Variants in MACROD1 observed in about 807,000 individuals in gnomAD.
MACROD1 encodes the protein mono-ADP ribosylhydrolase 1, also known as ADP-ribose glycohydrolase MACROD1.
A neutral mutation model predicts 41.4 loss-of-function variants in MACROD1; 31 were observed. That is an observed-to-expected ratio of 0.75 (90% CI 0.56 to 1.01). The LOEUF (loss-of-function observed/expected upper bound fraction) is 1.01, where lower values mean the gene tolerates loss of function less well. Among genes scored for constraint, MACROD1 ranks in the 50% least tolerant of loss-of-function variants. MACROD1 has a pLI of 0.00. For synonymous variants in MACROD1, 252 were observed against 203.4 expected (o/e 1.24, Z -2.03); for missense variants, 473 against 460.0 (o/e 1.03, Z -0.26).
intron 3 of MACROD1, among the ~76,000 whole-genome samples, chr11:64,040,615 AGACAG>A (rs1943467003): frequency 6.6e-6 from 1 of 152,184 alleles, no homozygotes; most frequent in Non-Finnish European, 1.5e-5. Context: ...TCACCTGCGT[AGACAG>A]GTTGCCCCAG....
chr11:64,028,690 T>C (rs1273859416), intron 3 of MACROD1, among the ~76,000 whole-genome samples: 11 of 88,590 alleles, frequency 1.2e-4, no homozygotes, highest in Middle Eastern at 4.4e-3. Flanking sequence ...CCCCTCCCCC[T>C]CCTCCCGCAG....
At chr11:64,148,944 C>T (rs930271454) in intron 3 of MACROD1, 2 of 985,242 alleles carry the variant, frequency 2.0e-6, no homozygotes, top group South Asian at 4.7e-5. Context: ...AAAGGAGACT[C>T]GGGCTCTGTG....
At chr11:64,075,616 A>G (rs1944185927) in intron 3 of MACROD1, among the ~76,000 whole-genome samples, 1 of 152,222 alleles carries the variant, frequency 6.6e-6, no homozygotes, top group Non-Finnish European at 1.5e-5. Context: ...ATATGGAGTG[A>G]CAACCTACAC....
At chr11:64,027,750 G>T (rs12420724) in intron 3 of MACROD1, among the ~76,000 whole-genome samples, 2 of 152,054 alleles carry the variant, frequency 1.3e-5, no homozygotes, top group Admixed American at 6.5e-5. Context: ...CACTACACTC[G>T]GCCTACAATT....
intron 3 of MACROD1, among the ~76,000 whole-genome samples, chr11:64,110,113 G>A (rs999376830): frequency 4.6e-5 from 7 of 152,112 alleles, no homozygotes; most frequent in Non-Finnish European, 7.4e-5. Flanking sequence ...ATTTATAGAT[G>A]AGGAAATCAA....
intron 4 of MACROD1, among the ~76,000 whole-genome samples, chr11:64,013,155 CAGATACAG>C (rs1364008342): frequency 6.6e-6 from 1 of 152,078 alleles, no homozygotes; most frequent in Non-Finnish European, 1.5e-5. Context: ...GTGCCAGCCC[CAGATACAG>C]TCTTTCATTT....
Position 64,164,207 on chromosome 11 carries a change from G to A in MACROD1, c.298+1490C>T, listed in dbSNP as rs145765530. 5.8e-3 allele frequency among the ~76,000 whole-genome samples: 883 copies of A among 152,324 alleles called. 14 individuals carry two copies. The highest frequency in any genetic ancestry group is 0.019 in the African/African-American group (779 of 41,564). On this transcript the variant is annotated intron_variant, in intron 1 of 10. Coordinates refer to ENST00000255681, the MANE Select transcript of MACROD1 (RefSeq NM_014067.4). ...TCCCCAGCCTGACCACCTAGGGGGC[G>A]TTCAATAAAAGTTTGCTGCATGATT...
At chr11:64,156,412 C>T (rs1945669278) in intron 1 of MACROD1, among the ~76,000 whole-genome samples, 2 of 152,238 alleles carry the variant, frequency 1.3e-5, no homozygotes, top group African/African-American at 2.4e-5. Flanking sequence ...AGGTACCCAC[C>T]GTGATGCTGG....
intron 3 of MACROD1, among the ~76,000 whole-genome samples, chr11:64,052,190 A>C (rs1041531856): frequency 1.3e-5 from 2 of 152,038 alleles, no homozygotes; most frequent in African/African-American, 2.4e-5. Flanking sequence ...CCGGTGCCAA[A>C]CCAGGGATGC....
intron 3 of MACROD1, among the ~76,000 whole-genome samples, chr11:64,061,569 C>T (rs1003389924): frequency 6.6e-6 from 1 of 152,270 alleles, no homozygotes; most frequent in East Asian, 1.9e-4. Flanking sequence ...CACCACCCCC[C>T]ATTTGCTGCA....
rs543215533 is a variant in MACROD1, at chr11:64,003,479, A to AC, written c.548-3137_548-3136insG. Among the ~76,000 whole-genome samples the AC allele has an allele frequency of 4.4e-4, 67 of 152,152 alleles. 1 individual carries two copies. Among genetic ancestry groups the AC allele is most frequent in the African/African-American group, 1.5e-3 (64 of 41,516 alleles). ...AGTGATCCACCCGTCTCAGCCTCCC[A>AC]AAGTGCTGGGATTACAGATGTGAGC... On this transcript the variant is annotated intron_variant, in intron 4 of 10. Transcript: ENST00000255681.
intron 1 of MACROD1, among the ~76,000 whole-genome samples, chr11:64,157,004 G>A (rs1182734747): frequency 6.6e-6 from 1 of 152,192 alleles, no homozygotes; most frequent in Non-Finnish European, 1.5e-5. Context: ...TCCTCTTATC[G>A]GCAATCCTCG....
intron 4 of MACROD1, among the ~76,000 whole-genome samples, chr11:64,008,401 G>GAGGCCGGAGGTCCCACGCACACAT (rs2134329293): frequency 6.7e-6 from 1 of 148,586 alleles, no homozygotes; most frequent in Admixed American, 6.7e-5. Flanking sequence ...GGCCTGGGGA[G>GAGGCCGGAGGTCCCACGCACACAT]AGGCGCCCAG....
chr11:64,118,097 C>T, intron 3 of MACROD1: 1 of 1,611,642 alleles, frequency 6.2e-7, no homozygotes, highest in African/African-American at 1.3e-5. Context: ...AGGATAACTC[C>T]ATCCTGGAAA....
intron 3 of MACROD1, among the ~76,000 whole-genome samples, chr11:64,112,990 C>G (rs932251733): frequency 1.3e-5 from 2 of 152,230 alleles, no homozygotes; most frequent in African/African-American, 4.8e-5. Flanking sequence ...AGTCCCTGCC[C>G]TGGCAGTTTG....
intron 3 of MACROD1, among the ~76,000 whole-genome samples, chr11:64,128,259 C>T (rs116494897): frequency 7.9e-4 from 120 of 152,306 alleles, no homozygotes; most frequent in African/African-American, 2.8e-3. Context: ...ACAGTGGGTG[C>T]CCAGGAGGGG....
At chr11:64,135,096 G>T (rs1945315112) in intron 3 of MACROD1, among the ~76,000 whole-genome samples, 1 of 152,218 alleles carries the variant, frequency 6.6e-6, no homozygotes, top group South Asian at 2.1e-4. Flanking sequence ...AACCCAGAGG[G>T]CTTATTTTTC....
At chr11:64,104,684 A>G (rs1944727716) in intron 3 of MACROD1, among the ~76,000 whole-genome samples, 1 of 152,138 alleles carries the variant, frequency 6.6e-6, no homozygotes, top group South Asian at 2.1e-4. Context: ...GGGTGGGTTG[A>G]TCCAAAGCTA....
chr11:64,083,966 G>GA (rs1383603412), intron 3 of MACROD1, among the ~76,000 whole-genome samples: 1 of 151,976 alleles, frequency 6.6e-6, no homozygotes, highest in African/African-American at 2.4e-5. Context: ...GGGCTGACAT[G>GA]AAGAGTGTCA....
Sources: gnomAD v4.1 joint callset for allele counts (sites outside exome capture counted in the v4.1 genomes callset) on GRCh38, gnomAD v4.1.1 for gene constraint, MANE v1.5 for transcripts, NCBI Gene and HGNC (gene_info 2026-07-23, HGNC 2026-07-21) for gene names.